RASEF: variants seen among roughly 807,000 people sequenced by gnomAD.
RASEF encodes the protein ras and EF-hand domain-containing protein.
Under a neutral mutation model 90.1 loss-of-function variants are expected in RASEF, and 68 were observed. The ratio of observed to expected loss-of-function variants is 0.75; its 90% CI spans 0.62 to 0.92. The LOEUF (loss-of-function observed/expected upper bound fraction) is 0.92. Among genes scored for constraint, RASEF ranks in the 40% least tolerant of loss-of-function variants. RASEF has a pLI of 0.00. For missense variants in RASEF, 949 were observed against 937.2 expected, an observed-to-expected ratio of 1.01 and a Z score of -0.16; for synonymous variants, 331 against 345.2, an observed-to-expected ratio of 0.96 and a Z score of 0.46.
At chr9:82,984,541 G>GAC (rs937298041) in intron 16 of RASEF, among the ~76,000 whole-genome samples, 2 of 152,078 alleles carry the variant, frequency 1.3e-5, no homozygotes, top group African/African-American at 4.8e-5. Flanking sequence ...ATATACCCCA[G>GAC]ACACACACAC....
At position 82,981,078 on chromosome 9, in the gene RASEF, T is replaced by C. The variant is rs1828590537; in HGVS notation, c.*1599A>G. On this transcript the variant is annotated 3_prime_UTR_variant, in exon 17 of 17. Coordinates refer to ENST00000376447, the MANE Select transcript of RASEF (RefSeq NM_152573.4). ...CGTGAACAGAAAAAAGATTGCTACA[T>C]GGAATTGTTTCGATTCAACAAAAAT... 1 of 152,246 alleles carries C rather than the reference T, an allele frequency of 6.6e-6. No individual in the cohort carries two copies. Among genetic ancestry groups the C allele is most frequent in the Non-Finnish European group, 1.5e-5 (1 of 68,034 alleles). 9.4% of individuals were successfully genotyped at this position (152,246 alleles called of 1,614,324 possible). A position where few individuals can be genotyped will look rare whatever the true frequency, so the allele number is the denominator to read the frequency against.
chr9:83,159,467 AG>A, the RASEF span, among the ~76,000 whole-genome samples: 2 of 152,190 alleles, frequency 1.3e-5, no homozygotes, highest in African/African-American at 4.8e-5. Flanking sequence ...TATAAAAACA[AG>A]GCTTATGAAT....
Position 83,062,793 on chromosome 9 carries a change from C to G in RASEF, c.75G>C (p.Ser25=), listed in dbSNP as rs774062629. The G allele has an allele frequency of 3.2e-6, 5 of 1,555,640 alleles. No individual in the cohort carries two copies. The African/African-American group carries it at 5.5e-5, about 17-fold the overall frequency. ...GGAACTCCTCGCGCTCCAGGCGCCC[C>G]GAGCGGTTCGCGTCGCAGGCGGCGA... The part of the protein sequence containing the change: ...SVFAACDANR[S]GRLEREEFRA... Residue 25 remains serine (S), a synonymous_variant, in exon 1 of 17, where the codon TCG becomes TCC. Coordinates refer to ENST00000376447, the MANE Select transcript of RASEF (RefSeq NM_152573.4).
At chr9:83,026,784 AC>A (rs1280206815) in intron 1 of RASEF, among the ~76,000 whole-genome samples, 1 of 152,166 alleles carries the variant, frequency 6.6e-6, no homozygotes, top group Non-Finnish European at 1.5e-5. Flanking sequence ...AATTCTCTTG[AC>A]ACCAAATGTG....
chr9:83,158,974 C>T, the RASEF span, among the ~76,000 whole-genome samples: 2 of 151,714 alleles, frequency 1.3e-5, no homozygotes, highest in East Asian at 3.9e-4. Context: ...ATCACAAGGT[C>T]AGGAGATCGA....
At chr9:83,046,946 C>T (rs1457961023) in intron 1 of RASEF, among the ~76,000 whole-genome samples, 3 of 140,566 alleles carry the variant, frequency 2.1e-5, no homozygotes, top group African/African-American at 5.3e-5. Flanking sequence ...TCTATCTAGA[C>T]ATTTAAAATA....
At chr9:82,999,389 G>A (rs539161898) in intron 12 of RASEF, among the ~76,000 whole-genome samples, 5 of 152,176 alleles carry the variant, frequency 3.3e-5, no homozygotes, top group South Asian at 2.1e-4. Context: ...GCGTAAAACC[G>A]CACCTCTCCC....
chr9:83,218,683 G>A, the RASEF span, among the ~76,000 whole-genome samples: 2 of 152,170 alleles, frequency 1.3e-5, no homozygotes, highest in East Asian at 3.9e-4. Flanking sequence ...GCTTCTGAGT[G>A]GCAAGCTCGC....
intron 9 of RASEF, 117 bp from the exon 10 acceptor site, chr9:83,001,247 C>T: frequency 2.9e-6 from 2 of 679,756 alleles, no homozygotes; most frequent in Non-Finnish European, 5.1e-6. Context: ...CTAAGAGCCG[C>T]AGTGTTATTT....
chr9:82,983,640 T>C (rs755487587), intron 16 of RASEF, among the ~76,000 whole-genome samples: 1 of 152,228 alleles, frequency 6.6e-6, no homozygotes, highest in Non-Finnish European at 1.5e-5. Context: ...TTTGATCCCC[T>C]ACCCTCTTGG....
the RASEF span, among the ~76,000 whole-genome samples, chr9:83,075,983 C>A: frequency 6.6e-6 from 1 of 151,914 alleles, no homozygotes; most frequent in Non-Finnish European, 1.5e-5. Context: ...GCCTGGCCAC[C>A]ACAGTGAAAC....
At chr9:83,146,786 T>G in the RASEF span, among the ~76,000 whole-genome samples, 2 of 152,104 alleles carry the variant, frequency 1.3e-5, no homozygotes, top group African/African-American at 4.8e-5. Flanking sequence ...AGTATTATGT[T>G]GGGCTTCTGA....
intron 15 of RASEF, among the ~76,000 whole-genome samples, chr9:82,991,012 C>A (rs939177482): frequency 6.6e-6 from 1 of 152,188 alleles, no homozygotes; most frequent in African/African-American, 2.4e-5. Context: ...TTCAATGCCT[C>A]CTGTTTGTCT....
chr9:83,199,356 G>A, the RASEF span, among the ~76,000 whole-genome samples: 2 of 151,898 alleles, frequency 1.3e-5, no homozygotes, highest in Non-Finnish European at 2.9e-5. Context: ...ATGTGCATCT[G>A]TAGCTATGGA....
chr9:83,011,570 A>AAAAC (rs1829246276), intron 5 of RASEF, among the ~76,000 whole-genome samples: 1 of 150,636 alleles, frequency 6.6e-6, no homozygotes, highest in Non-Finnish European at 1.5e-5. Flanking sequence ...AAAAAAAAAA[A>AAAAC]AAAAAACTGA....
At chr9:83,089,929 GATAGAT>G in the RASEF span, among the ~76,000 whole-genome samples, 2 of 150,236 alleles carry the variant, frequency 1.3e-5, no homozygotes, top group African/African-American at 4.9e-5. Context: ...TAGATAGATA[GATAGAT>G]AGATAGATAG....
chr9:83,084,106 A>G, the RASEF span, among the ~76,000 whole-genome samples: 3 of 152,204 alleles, frequency 2.0e-5, no homozygotes, highest in African/African-American at 7.2e-5. Context: ...GTTTAGATGT[A>G]AAAGACACAG....
chr9:83,040,556 C>T (rs1376672712), intron 1 of RASEF, among the ~76,000 whole-genome samples: 1 of 152,034 alleles, frequency 6.6e-6, no homozygotes, highest in African/African-American at 2.4e-5. Flanking sequence ...TCATGAATAC[C>T]AGTAAAGAAC....
At chr9:82,999,974 T>C (rs576408101) in intron 12 of RASEF, among the ~76,000 whole-genome samples, 195 bp downstream of exon 12, 4 of 144,750 alleles carry the variant, frequency 2.8e-5, no homozygotes, top group East Asian at 2.1e-4. Flanking sequence ...GACCTTTCCA[T>C]AGACTAGGAG....
Sources: gnomAD v4.1 joint callset for allele counts (sites outside exome capture counted in the v4.1 genomes callset) on GRCh38, gnomAD v4.1.1 for gene constraint, MANE v1.5 for transcripts, NCBI Gene and HGNC (gene_info 2026-07-23, HGNC 2026-07-21) for gene names.